CNGA3: variants seen among roughly 807,000 people sequenced by gnomAD.
The protein encoded by CNGA3 is cyclic nucleotide gated channel subunit alpha 3, also known as cyclic nucleotide-gated channel alpha-3.
Under a neutral mutation model 46.6 loss-of-function variants are expected in CNGA3, and 42 were observed. The ratio of observed to expected loss-of-function variants is 0.90; its 90% CI spans 0.70 to 1.17. CNGA3 has a LOEUF of 1.17. Among genes scored for constraint, CNGA3 ranks in the 50% most tolerant of loss-of-function variants. The probability of loss-of-function intolerance (pLI) is 0.00; values close to 1 mark genes in which losing one functional copy is unlikely to be tolerated. For synonymous variants in CNGA3, 394 were observed against 369.4 expected (o/e 1.07, Z -0.76); for missense variants, 893 against 890.7 (o/e 1.00, Z -0.03).
At chr2:98,381,090 G>C (rs1692527018) in intron 4 of CNGA3, among the ~76,000 whole-genome samples, 1 of 152,178 alleles carries the variant, frequency 6.6e-6, no homozygotes, top group Non-Finnish European at 1.5e-5. Flanking sequence ...CTCCTGACTT[G>C]TTCATGAGAA....
chr2:98,368,700 GTT>G (rs1424827513), intron 1 of CNGA3, among the ~76,000 whole-genome samples: 2 of 152,190 alleles, frequency 1.3e-5, no homozygotes, highest in Non-Finnish European at 2.9e-5. Context: ...GGAGACCAGA[GTT>G]TTATTATTAC....
Position 98,377,696 on chromosome 2 carries a change from G to T in CNGA3, c.111G>T (p.Ser37=), listed in dbSNP as rs138888861. The T allele has an allele frequency of 6.2e-7, 1 of 1,613,166 alleles. No individual in the cohort carries two copies. Residue 37 remains serine, a synonymous_variant, in exon 3 of 8, where the codon TCG becomes TCT. Transcript: ENST00000272602. ...RAENGLSRAH[S]SSEETSSVLQ... ...ATATCTGATTTCCTAGAGCCCACTC[G>T]TCAAGTGAGGAGACATCGTCAGTGC...
chr2:98,380,317 A>G lies in CNGA3; in HGVS notation c.358A>G (p.Asn120Asp), dbSNP rs199859850. ...CAGCCAAGAAAGCAATGCCCAGGCA[A>G]ATGTGGGCAGCCAGGAGCCAGCAGA... ...VSSQESNAQA[N>D]VGSQEPADRG... Residue 120 changes from asparagine (N) to aspartate (D), a missense_variant, in exon 4 of 8, where the codon AAT becomes GAT. Asn to Asp is a conservative substitution (Grantham distance 23). Around this residue, in one of 3 missense-constraint regions of CNGA3, gnomAD observed 333 missense variants for 290.8 expected, o/e 1.15. Transcript: ENST00000272602. The G allele has an allele frequency of 2.5e-6, 4 of 1,614,160 alleles. No individual in the cohort carries two copies. The East Asian group carries it at 6.7e-5, about 27-fold the overall frequency.
At chr2:98,366,538 CTCCCCGCAAGGGGCTCCA>C (rs1451661204) in intron 1 of CNGA3, among the ~76,000 whole-genome samples, 1 of 152,248 alleles carries the variant, frequency 6.6e-6, no homozygotes, top group Non-Finnish European at 1.5e-5. Context: ...ACAGCAGCCC[CTCCCCGCAAGGGGCTCCA>C]TCCCAGGGAC....
chr2:98,353,070 C>G (rs1182535235), intron 1 of CNGA3, among the ~76,000 whole-genome samples: 1 of 152,080 alleles, frequency 6.6e-6, no homozygotes, highest in African/African-American at 2.4e-5. Context: ...TTTGTAAGTT[C>G]TATGTATTAC....
chr2:98,374,450 G>A (rs1692360237), intron 2 of CNGA3, among the ~76,000 whole-genome samples: 1 of 152,174 alleles, frequency 6.6e-6, no homozygotes. Context: ...GGCCTGGTCT[G>A]TTCATTTTAC....
chr2:98,395,376 C>A (rs1307603067), intron 7 of CNGA3, among the ~76,000 whole-genome samples: 1 of 152,008 alleles, frequency 6.6e-6, no homozygotes, highest in Non-Finnish European at 1.5e-5. Flanking sequence ...CACCATGTTG[C>A]CCAGGCTGGT....
chr2:98,374,996 C>G (rs1216295436), intron 2 of CNGA3, among the ~76,000 whole-genome samples: 1 of 152,232 alleles, frequency 6.6e-6, no homozygotes, highest in Non-Finnish European at 1.5e-5. Flanking sequence ...AAGTGACCAG[C>G]CCACAGAATA....
chr2:98,388,786 G>A (rs572258811), intron 5 of CNGA3, among the ~76,000 whole-genome samples: 139 of 152,354 alleles, frequency 9.1e-4, no homozygotes, highest in African/African-American at 3.2e-3. Context: ...CAGTGGTGAT[G>A]AGAGCTGTAG....
Position 98,396,079 on chromosome 2 carries a change from T to C in CNGA3, c.909T>C (p.Ile303=). The C allele has an allele frequency of 6.2e-7, 1 of 1,614,246 alleles. No individual in the cohort carries two copies. Among genetic ancestry groups the C allele is most frequent in the Non-Finnish European group, 8.5e-7 (1 of 1,180,050 alleles). The change falls in exon 8 of 8, where the codon ATT becomes ATC. Residue 303 remains isoleucine (I), a synonymous_variant. Coordinates refer to ENST00000272602, the MANE Select transcript of CNGA3 (RefSeq NM_001298.3). ...TRTNYPNMFR[I]GNLVLYILII... ...CCAACTACCCCAATATGTTCAGGAT[T>C]GGGAACTTGGTCTTGTACATTCTCA...
intron 7 of CNGA3, among the ~76,000 whole-genome samples, chr2:98,393,771 G>A (rs1692845773): frequency 6.6e-6 from 1 of 152,148 alleles, no homozygotes; most frequent in Non-Finnish European, 1.5e-5. Context: ...GAAGCTGGGA[G>A]AGAGGGAGGC....
chr2:98,395,919 A>G lies in CNGA3; in HGVS notation c.749A>G (p.Lys250Arg). 6.2e-7 allele frequency: 1 copy of G among 1,614,218 alleles called. No homozygotes were observed. Among genetic ancestry groups the G allele is most frequent in the South Asian group, 1.1e-5 (1 of 91,090 alleles). The change falls in exon 8 of 8, where the codon AAG becomes AGG. Residue 250 changes from lysine (K) to arginine (R), a missense_variant. Around this residue, in one of 3 missense-constraint regions of CNGA3, gnomAD observed 548 missense variants for 570.8 expected, o/e 0.96. Coordinates refer to ENST00000272602, the MANE Select transcript of CNGA3 (RefSeq NM_001298.3). ...WQHYKTTTQF[K>R]LDVLSLVPTD... ...CATTACAAGACGACCACGCAGTTCA[A>G]GCTGGATGTGTTGTCCCTGGTCCCC...
rs775081515 is a variant in CNGA3, at chr2:98,380,181, G to A, written c.222G>A (p.Ser74=). 196 of 1,614,006 alleles carry A rather than the reference G, an allele frequency of 1.2e-4. No individual in the cohort carries two copies. The highest frequency in any genetic ancestry group is 2.3e-4 in the Admixed American group (14 of 60,008). The change falls in exon 4 of 8, where the codon TCG becomes TCA. Residue 74 remains serine, a synonymous_variant. Coordinates refer to ENST00000272602, the MANE Select transcript of CNGA3 (RefSeq NM_001298.3). ...TGCTTGTGTCACCTTCCAGGCTGTC[G>A]CGCCTCATCTTCTTGCTGCGCAGGT... ...SFTGQGIARL[S]RLIFLLRRWA...
intron 1 of CNGA3, among the ~76,000 whole-genome samples, chr2:98,367,086 G>A (rs1406759617): frequency 6.6e-6 from 1 of 151,736 alleles, no homozygotes; most frequent in Non-Finnish European, 1.5e-5. Context: ...GTCCCACTGA[G>A]AGAACCTGGA....
intron 1 of CNGA3, among the ~76,000 whole-genome samples, chr2:98,358,536 A>G (rs1691944207): frequency 1.3e-5 from 2 of 152,236 alleles, no homozygotes; most frequent in Admixed American, 6.5e-5. Context: ...CCAGTAGTAG[A>G]TAACATTTTA....
intron 3 of CNGA3, chr2:98,378,162 G>A (rs1276418204): frequency 1.9e-6 from 3 of 1,550,590 alleles, no homozygotes; most frequent in Non-Finnish European, 2.6e-6. Context: ...GAGGATGGTG[G>A]TGATGAGTCT....
intron 2 of CNGA3, among the ~76,000 whole-genome samples, chr2:98,374,107 GT>G (rs1426951715): frequency 1.3e-5 from 2 of 152,140 alleles, no homozygotes; most frequent in Non-Finnish European, 2.9e-5. Context: ...TTACTCTCAT[GT>G]CCCCAAAACT....
At chr2:98,391,829 C>T (rs537970293) in intron 6 of CNGA3, 35 bp from the exon 7 acceptor site, 31 of 1,601,016 alleles carry the variant, frequency 1.9e-5, no homozygotes, top group South Asian at 1.5e-4. Context: ...CAGAAACACA[C>T]GCACAGCCAT....
At chr2:98,377,475 T>C (rs1692431431) in intron 2 of CNGA3, 1 of 571,654 alleles carries the variant, frequency 1.7e-6, no homozygotes, top group Admixed American at 2.6e-5. Context: ...GGACAGTAGC[T>C]ACCTTCCTTG....
Sources: allele counts gnomAD v4.1 joint callset (sites outside exome capture counted in the v4.1 genomes callset), GRCh38; gene constraint gnomAD v4.1.1; regional missense constraint gnomAD v4.1.1; transcripts MANE v1.5; gene names NCBI Gene and HGNC (gene_info 2026-07-23, HGNC 2026-07-21).